The following CD109 variants were observed in gnomAD, a reference collection of about 807,000 sequenced individuals.
The protein encoded by CD109 is CD109 molecule, also known as CD109 antigen.
A neutral mutation model predicts 165.8 loss-of-function variants in CD109; 149 were observed. That is an observed-to-expected ratio of 0.90 (90% CI 0.79 to 1.03). The LOEUF is 1.03. Among genes scored for constraint, CD109 ranks in the 50% least tolerant of loss-of-function variants. The pLI, the probability that CD109 is intolerant of heterozygous loss-of-function variation, is 0.00. For synonymous variants in CD109, 585 were observed against 592.1 expected, an observed-to-expected ratio of 0.99 and a Z score of 0.18; for missense variants, 1,712 against 1,677.8, an observed-to-expected ratio of 1.02 and a Z score of -0.36.
At chr6:73,699,751 A>G (rs1028980319) in intron 2 of CD109, among the ~76,000 whole-genome samples, 1 of 152,190 alleles carries the variant, frequency 6.6e-6, no homozygotes, top group Non-Finnish European at 1.5e-5. Context: ...TGCTTCTTTC[A>G]TGGGCTGTTT....
At position 73,810,211 on chromosome 6, in the gene CD109, A is replaced by G. The variant is rs752881643; in HGVS notation, c.3546+37A>G. On this transcript the variant is annotated intron_variant, in intron 27 of 32. Coordinates refer to ENST00000287097, the MANE Select transcript of CD109 (RefSeq NM_133493.5). ...TAGTTTTTTCCCTTTAAACTATAAT[A>G]TATAATATAGATTTATTTATTATAT... 12 of 724,844 alleles carry G rather than the reference A, an allele frequency of 1.7e-5. No homozygotes were observed. The South Asian group carries it at 5.4e-4, about 33-fold the overall frequency. 44.9% of individuals were successfully genotyped at this position (724,844 alleles called of 1,614,324 possible). A position where few individuals can be genotyped will look rare whatever the true frequency, so the allele number is the denominator to read the frequency against.
intron 2 of CD109, among the ~76,000 whole-genome samples, chr6:73,712,474 CTT>C (rs909774189): frequency 4.0e-5 from 6 of 151,226 alleles, no homozygotes; most frequent in African/African-American, 1.5e-4. Context: ...GGAAAATCCA[CTT>C]TTTTTTTCAT....
intron 28 of CD109, 101 bp downstream of exon 28, chr6:73,811,248 C>A: frequency 7.4e-7 from 1 of 1,352,182 alleles, no homozygotes; most frequent in Non-Finnish European, 9.9e-7. Context: ...AGACTTGTTT[C>A]CAGAGCTCTG....
intron 23 of CD109, among the ~76,000 whole-genome samples, chr6:73,801,224 A>G (rs1775350132): frequency 6.6e-6 from 1 of 152,346 alleles, no homozygotes; most frequent in Admixed American, 6.5e-5. Flanking sequence ...CTGTGTGACC[A>G]TGCACATGGT....
At chr6:73,770,550 G>A (rs1315458013) in intron 14 of CD109, among the ~76,000 whole-genome samples, 3 of 152,130 alleles carry the variant, frequency 2.0e-5, no homozygotes, top group East Asian at 3.9e-4. Flanking sequence ...TTGGAGACCA[G>A]CCTGGCCAAC....
Position 73,756,651 on chromosome 6 carries a change from A to G in CD109, c.642A>G (p.Thr214=), listed in dbSNP as rs1383752055. 16 of 1,554,220 alleles carry G rather than the reference A, an allele frequency of 1.0e-5. No homozygotes were observed. The highest frequency in any genetic ancestry group is 4.9e-5 in the South Asian group (4 of 82,124). The change falls in exon 6 of 33, where the codon ACA becomes ACG. Residue 214 remains threonine (T), a synonymous_variant. Transcript: ENST00000287097. ...TCTCCCCTGCCCAATAGGACCAGAC[A>G]TACTATCAATCATTTCAGGTTTCAG... ...WSIQVQVNDQ[T]YYQSFQVSEY...
At chr6:73,688,731 T>G in the CD109 span, among the ~76,000 whole-genome samples, 1 of 150,428 alleles carries the variant, frequency 6.6e-6, no homozygotes, top group East Asian at 1.9e-4. Flanking sequence ...TAAAAATTCC[T>G]GGATTATAGG....
intron 2 of CD109, among the ~76,000 whole-genome samples, chr6:73,708,850 G>A (rs1247433328): frequency 1.3e-5 from 2 of 151,750 alleles, no homozygotes; most frequent in African/African-American, 4.8e-5. Flanking sequence ...GGGGTTGTTT[G>A]TTTTTTTTCT....
rs528025089 is a variant in CD109, at chr6:73,755,021, A to G, written c.634-1622A>G. Among the ~76,000 whole-genome samples the G allele has an allele frequency of 2.6e-5, 4 of 152,352 alleles. No homozygotes were observed. In the South Asian group the frequency reaches 8.3e-4, roughly 32 times the overall value. On this transcript the variant is annotated intron_variant, in intron 5 of 32. Transcript: ENST00000287097. The stretch of plus-strand genomic sequence containing the variant: ...ATGAAACTTGAGAAACAGAAACATC[A>G]TAATTGTTACTTATTCCATAGTCTT...
intron 15 of CD109, among the ~76,000 whole-genome samples, chr6:73,775,483 C>T (rs1265220272): frequency 6.6e-6 from 1 of 151,954 alleles, no homozygotes. Flanking sequence ...TCTTCCTTTC[C>T]CCCTCGCCCC....
intron 17 of CD109, among the ~76,000 whole-genome samples, chr6:73,781,949 G>A (rs145783432): frequency 6.6e-6 from 1 of 152,262 alleles, no homozygotes; most frequent in African/African-American, 2.4e-5. Context: ...TTAGAAAGAC[G>A]TCATAAAATG....
At chr6:73,793,284 T>G (rs1359503948) in intron 23 of CD109, among the ~76,000 whole-genome samples, 1 of 152,138 alleles carries the variant, frequency 6.6e-6, no homozygotes, top group Non-Finnish European at 1.5e-5. Flanking sequence ...TCAGTGCATT[T>G]AAAATGATGA....
Position 73,810,163 on chromosome 6 carries a change from G to C in CD109, c.3535G>C (p.Ala1179Pro), listed in dbSNP as rs567229447. The C allele has an allele frequency of 6.3e-7, 1 of 1,595,868 alleles. No individual in the cohort carries two copies. Among genetic ancestry groups the C allele is most frequent in the East Asian group, 2.3e-5 (1 of 43,760 alleles). ...GCAAAGAAATAGCTTGGGTGGTTTTGCATCTACTCAGGTGAGAGATGATAG... is the reference window on the plus strand; with the variant it reads ...GCAAAGAAATAGCTTGGGTGGTTTTCCATCTACTCAGGTGAGAGATGATAG... ...SRQRNSLGGF[A>P]STQDTTVALK... Residue 1179 changes from alanine to proline, a missense_variant, in exon 27 of 33, where the codon GCA becomes CCA. Coordinates refer to ENST00000287097, the MANE Select transcript of CD109 (RefSeq NM_133493.5).
chr6:73,739,991 C>T (rs2150192369), intron 5 of CD109, among the ~76,000 whole-genome samples: 1 of 152,300 alleles, frequency 6.6e-6, no homozygotes, highest in African/African-American at 2.4e-5. Context: ...GCCTCAGCCT[C>T]CTGAGTAGCA....
At chr6:73,801,204 T>C (rs1156239753) in intron 23 of CD109, among the ~76,000 whole-genome samples, 1 of 152,270 alleles carries the variant, frequency 6.6e-6, no homozygotes, top group African/African-American at 2.4e-5. Context: ...CCAACTTCAC[T>C]CCCTGTTAGC....
intron 2 of CD109, among the ~76,000 whole-genome samples, chr6:73,715,471 A>G (rs1771701842): frequency 6.6e-6 from 1 of 151,064 alleles, no homozygotes; most frequent in East Asian, 2.0e-4. Flanking sequence ...AGGCTGAGGC[A>G]GGAAGATCGC....
chr6:73,799,269 T>C (rs1279906807), intron 23 of CD109, among the ~76,000 whole-genome samples: 1 of 152,200 alleles, frequency 6.6e-6, no homozygotes, highest in Non-Finnish European at 1.5e-5. Context: ...TCCACTTTTG[T>C]TTATGTTTTG....
At position 73,730,411 on chromosome 6, in the gene CD109, T is replaced by C. The variant is rs1189323288; in HGVS notation, c.344T>C (p.Leu115Ser). The change falls in exon 4 of 33, where the codon TTA becomes TCA. Residue 115 changes from leucine (L) to serine (S), a missense_variant. By Grantham distance (145) the Leu-to-Ser change is moderately radical. Transcript: ENST00000287097. ...RVTGRTQDEI[L>S]FSNSTRLSFE... is the part of the protein sequence containing the mutation. ...ACCGGACGTACCCAGGATGAGATTT[T>C]ATTCTCTAATAGTACCCGCTTATCA... 1 of 1,614,110 alleles carries C rather than the reference T, an allele frequency of 6.2e-7. No individual in the cohort carries two copies. The highest frequency in any genetic ancestry group is 2.2e-5 in the East Asian group (1 of 44,882).
At chr6:73,781,778 G>GACAC (rs754018053) in intron 17 of CD109, among the ~76,000 whole-genome samples, 6 of 124,088 alleles carry the variant, frequency 4.8e-5, no homozygotes, top group African/African-American at 1.2e-4. Flanking sequence ...CACAGACACA[G>GACAC]ACACACACAC....
Sources: allele counts gnomAD v4.1 joint callset (sites outside exome capture counted in the v4.1 genomes callset), GRCh38; gene constraint gnomAD v4.1.1; transcripts MANE v1.5; gene names NCBI Gene and HGNC (gene_info 2026-07-23, HGNC 2026-07-21).